CSF2RA: variants seen among roughly 807,000 people sequenced by gnomAD.
CSF2RA encodes the protein colony stimulating factor 2 receptor subunit alpha.
In CSF2RA, 42 loss-of-function variants were observed where a neutral mutation model predicts 51.6. The observed-to-expected ratio is 0.81, with a 90% confidence interval of 0.64 to 1.05. The LOEUF is 1.05. CSF2RA is among the 50% of genes least tolerant of loss of function. CSF2RA has a pLI of 0.00. For synonymous variants in CSF2RA, 222 were observed against 193.0 expected, an observed-to-expected ratio of 1.15 and a Z score of -1.24; for missense variants, 530 against 501.1, an observed-to-expected ratio of 1.06 and a Z score of -0.55.
rs770805435 is a variant in CSF2RA, at chrX:1,296,099, C to T, written c.810+643C>T. ...AGCCCTGGCATAACCCTACAATCCC[C>T]TACTCACCACACCTAGCATAAACCT... On this transcript the variant is annotated intron_variant, in intron 9 of 12. Coordinates refer to ENST00000381529, the MANE Select transcript of CSF2RA (RefSeq NM_172245.4). Among the ~76,000 whole-genome samples, 4 of 151,592 alleles carry T rather than the reference C, an allele frequency of 2.6e-5. No homozygotes were observed. The East Asian group carries it at 7.8e-4, about 29-fold the overall frequency.
At chrX:1,273,331 T>C (rs2088694056) in intron 1 of CSF2RA, among the ~76,000 whole-genome samples, 2 of 152,112 alleles carry the variant, frequency 1.3e-5, no homozygotes, top group East Asian at 3.9e-4. Context: ...TTTTTTCTTT[T>C]AAGATGGTCT....
At chrX:1,320,476 G>A in the CSF2RA span, among the ~76,000 whole-genome samples, 38 of 148,188 alleles carry the variant, frequency 2.6e-4, no homozygotes, top group Admixed American at 1.6e-3. Flanking sequence ...CCTCAGTTCA[G>A]AAGAATTTAT....
At chrX:1,285,638 CTTGCA>C (rs1191290451) in intron 3 of CSF2RA, 135 bp from the exon 4 acceptor site, 23 of 925,724 alleles carry the variant, frequency 2.5e-5, no homozygotes, top group Non-Finnish European at 3.5e-5. Context: ...GAGCTTGCAG[CTTGCA>C]GTGACCTGAG....
chrX:1,315,685 G>A, the CSF2RA span, among the ~76,000 whole-genome samples: 10 of 152,128 alleles, frequency 6.6e-5, no homozygotes, highest in South Asian at 2.1e-4. Context: ...GATTACAGGC[G>A]TGAGCCACCT....
chrX:1,312,343 A>G (rs1230903811), downstream of CSF2RA, among the ~76,000 whole-genome samples: 2 of 152,130 alleles, frequency 1.3e-5, no homozygotes, highest in Admixed American at 1.3e-4. Flanking sequence ...CATAGAGAGC[A>G]TTCTGTAATG....
intron 7 of CSF2RA, among the ~76,000 whole-genome samples, chrX:1,292,904 A>G (rs28849533): frequency 0.33 from 50,775 of 151,786 alleles, 9,248 homozygotes; most frequent in Middle Eastern, 0.42. Context: ...CATATCTCAG[A>G]CTGTCTCAGT....
downstream of CSF2RA, among the ~76,000 whole-genome samples, chrX:1,312,149 G>T (rs762435821): frequency 6.6e-6 from 1 of 152,166 alleles, no homozygotes; most frequent in Non-Finnish European, 1.5e-5. Flanking sequence ...TAGAGATGGG[G>T]TTTCACCATG....
chrX:1,300,468 T>G, intron 9 of CSF2RA, 23 bp from the exon 10 acceptor site: 1 of 1,613,902 alleles, frequency 6.2e-7, no homozygotes, highest in Non-Finnish European at 8.5e-7. Context: ...CGCCTATCTC[T>G]AACTTTCTTT....
chrX:1,304,438 A>G (rs2083343644), intron 11 of CSF2RA, among the ~76,000 whole-genome samples: 1 of 148,620 alleles, frequency 6.7e-6, no homozygotes, highest in Admixed American at 6.8e-5. Flanking sequence ...GAGATCCTAC[A>G]GGAATACACA....
chrX:1,317,143 T>G, the CSF2RA span, among the ~76,000 whole-genome samples: 17 of 150,920 alleles, frequency 1.1e-4, 1 homozygote, highest in Admixed American at 8.0e-4. Context: ...AGAGACGAGG[T>G]TTCACCATGT....
At chrX:1,324,655 C>G in the CSF2RA span, among the ~76,000 whole-genome samples, 1 of 151,960 alleles carries the variant, frequency 6.6e-6, no homozygotes, top group Non-Finnish European at 1.5e-5. Flanking sequence ...GTGCTTTGGC[C>G]CCACTGTGGA....
At chrX:1,304,257 C>A (rs62603310) in intron 11 of CSF2RA, among the ~76,000 whole-genome samples, 1 of 66,558 alleles carries the variant, frequency 1.5e-5, no homozygotes, top group African/African-American at 7.8e-5. Context: ...AAAATTAGCC[C>A]GGCGTGGTCG....
chrX:1,319,448 C>T, the CSF2RA span, among the ~76,000 whole-genome samples: 7 of 148,584 alleles, frequency 4.7e-5, 1 homozygote, highest in Admixed American at 1.4e-4. Flanking sequence ...TCACCACACC[C>T]GGCTAATTTT....
At chrX:1,269,152 CA>C (rs2087994861) in intron 1 of CSF2RA, among the ~76,000 whole-genome samples, 1 of 151,742 alleles carries the variant, frequency 6.6e-6, no homozygotes, top group Non-Finnish European at 1.5e-5. Context: ...TGTTGGAGGA[CA>C]GGGAGGGGGC....
chrX:1,311,076 C>T (rs138944787), downstream of CSF2RA, among the ~76,000 whole-genome samples: 12,221 of 151,648 alleles, frequency 0.081, 545 homozygotes, highest in South Asian at 0.14. Flanking sequence ...GGTGAAACCC[C>T]GCTTCTACTA....
chrX:1,324,584 G>C, the CSF2RA span, among the ~76,000 whole-genome samples: 1 of 150,410 alleles, frequency 6.6e-6, no homozygotes, highest in Non-Finnish European at 1.5e-5. Flanking sequence ...AGGAAAGAAA[G>C]AAAGAGAAAG....
the CSF2RA span, among the ~76,000 whole-genome samples, chrX:1,317,882 C>CA: frequency 1.7e-4 from 26 of 151,464 alleles, no homozygotes; most frequent in African/African-American, 6.1e-4. Context: ...TCTTGGCTCA[C>CA]GGCAGCCTCA....
At chrX:1,295,615 T>G in intron 9 of CSF2RA, 159 bp downstream of exon 9, 1 of 746,426 alleles carries the variant, frequency 1.3e-6, no homozygotes, top group Non-Finnish European at 2.4e-6. Flanking sequence ...TCACCACACC[T>G]AGTGTAACTC....
At chrX:1,271,578 G>C (rs35898872) in intron 1 of CSF2RA, among the ~76,000 whole-genome samples, 1 of 151,396 alleles carries the variant, frequency 6.6e-6, no homozygotes, top group Non-Finnish European at 1.5e-5. Flanking sequence ...GTGCAGTGGT[G>C]CGATCTCGGC....
Sources: allele counts gnomAD v4.1 joint callset (sites outside exome capture counted in the v4.1 genomes callset), GRCh38; gene constraint gnomAD v4.1.1; transcripts MANE v1.5; gene names NCBI Gene and HGNC (gene_info 2026-07-23, HGNC 2026-07-21).